GAREM1: variants seen among roughly 807,000 people sequenced by gnomAD.
The protein encoded by GAREM1 is GRB2-associated and regulator of MAPK protein 1.
A neutral mutation model predicts 71.3 loss-of-function variants in GAREM1; 26 were observed. That is an observed-to-expected ratio of 0.36 (90% CI 0.27 to 0.51). The LOEUF is 0.51. Among genes scored for constraint, GAREM1 ranks in the 20% least tolerant of loss-of-function variants. The probability of loss-of-function intolerance (pLI) is 0.95; values close to 1 mark genes in which losing one functional copy is unlikely to be tolerated. For missense variants in GAREM1, 1,026 were observed against 1,103.1 expected, an observed-to-expected ratio of 0.93 and a Z score of 0.99; for synonymous variants, 440 against 433.2, an observed-to-expected ratio of 1.02 and a Z score of -0.20.
chr18:32,412,938 T>C lies in GAREM1; in HGVS notation c.122-19903A>G, dbSNP rs200942688. 3,615 of 1,049,716 alleles carry C rather than the reference T, an allele frequency of 3.4e-3. 101 individuals are homozygous for C. The African/African-American group carries it at 0.05, about 14-fold the overall frequency. 65.0% of individuals were successfully genotyped at this position (1,049,716 alleles called of 1,614,324 possible). ...TCTCTTTGGTTCCACAACTCTTCCA[T>C]CCACCTTGTGTGGCCTTGCATTCAT... On this transcript the variant is annotated intron_variant, in intron 1 of 5. Transcript: ENST00000269209.
intron 1 of GAREM1, among the ~76,000 whole-genome samples, chr18:32,439,969 C>A (rs1043092518): frequency 1.3e-5 from 2 of 152,196 alleles, no homozygotes; most frequent in Admixed American, 6.5e-5. Flanking sequence ...GAAATTGCAT[C>A]TTGGCCTAGT....
chr18:32,277,998 C>T (rs1003276335), intron 4 of GAREM1, among the ~76,000 whole-genome samples: 4 of 152,178 alleles, frequency 2.6e-5, no homozygotes, highest in African/African-American at 9.7e-5. Context: ...AACAATATGT[C>T]TAAGACTGGG....
intron 1 of GAREM1, 62 bp from the exon 2 acceptor site, chr18:32,393,097 C>A (rs2144659764): frequency 1.3e-6 from 2 of 1,514,210 alleles, no homozygotes; most frequent in East Asian, 2.3e-5. Flanking sequence ...CCATACTTTG[C>A]AATAAAATTT....
chr18:32,343,311 G>GTTTTTTTGTTTTTTTTTT (rs2047664721), intron 2 of GAREM1, among the ~76,000 whole-genome samples: 1 of 118,886 alleles, frequency 8.4e-6, no homozygotes, highest in African/African-American at 3.4e-5. Flanking sequence ...CTCCCCCACT[G>GTTTTTTTGTTTTTTTTTT]TTTTTTTTTT....
chr18:32,290,052 T>A (rs2047065425), intron 3 of GAREM1, among the ~76,000 whole-genome samples: 1 of 151,962 alleles, frequency 6.6e-6, no homozygotes. Flanking sequence ...ATCCCTTTCA[T>A]CACTAATTTG....
At chr18:32,285,472 T>G (rs1006261072) in intron 4 of GAREM1, among the ~76,000 whole-genome samples, 1 of 152,212 alleles carries the variant, frequency 6.6e-6, no homozygotes, top group Non-Finnish European at 1.5e-5. Context: ...GAACTTCTTG[T>G]TTTCCCTCTT....
At chr18:32,430,427 C>T (rs1235587275) in intron 1 of GAREM1, among the ~76,000 whole-genome samples, 2 of 152,244 alleles carry the variant, frequency 1.3e-5, no homozygotes, top group Admixed American at 6.5e-5. Context: ...CGCAAGAGTA[C>T]GGATTCACAA....
chr18:32,432,868 G>A (rs1057355117), intron 1 of GAREM1, among the ~76,000 whole-genome samples: 1 of 151,988 alleles, frequency 6.6e-6, no homozygotes, highest in Admixed American at 6.6e-5. Flanking sequence ...AACATTTAAA[G>A]AAGAAATAAC....
Position 32,268,146 on chromosome 18 carries a change from G to A in GAREM1, c.2356C>T (p.Pro786Ser). Reference protein sequence around the residue: ...IFSASYPFSSPLHLQLAPRSC... With the variant: ...IFSASYPFSSSLHLQLAPRSC... ...CTGGGGGCCAGCTGGAGATGGAGCG[G>A]AGATGAGAAAGGGTAGGAGGCAGAG... is the stretch of plus-strand genomic sequence containing the variant. Residue 786 changes from proline (P) to serine (S), a missense_variant, in exon 6 of 6, where the codon CCG (proline) becomes TCG (serine). Pro to Ser is a moderately conservative substitution (Grantham distance 74). Around this residue, in one of 3 missense-constraint regions of GAREM1, gnomAD observed 636 missense variants for 631.2 expected, o/e 1.01. Coordinates refer to ENST00000269209, the MANE Select transcript of GAREM1 (RefSeq NM_001242409.2). The A allele has an allele frequency of 6.2e-7, 1 of 1,614,160 alleles. No homozygotes were observed. Among genetic ancestry groups the A allele is most frequent in the Non-Finnish European group, 8.5e-7 (1 of 1,180,042 alleles).
chr18:32,359,869 T>TGA (rs1393414849), intron 2 of GAREM1, among the ~76,000 whole-genome samples: 2 of 151,998 alleles, frequency 1.3e-5, no homozygotes, highest in African/African-American at 4.8e-5. Context: ...GAGGCTGCAG[T>TGA]GAGCTGTGAT....
At chr18:32,348,084 T>C (rs909131827) in intron 2 of GAREM1, among the ~76,000 whole-genome samples, 3 of 152,250 alleles carry the variant, frequency 2.0e-5, no homozygotes, top group African/African-American at 7.2e-5. Context: ...TTGAAACTTC[T>C]ATAAAAAGCC....
At chr18:32,378,012 CTGTGTGTGTGTG>C (rs1157230204) in intron 2 of GAREM1, among the ~76,000 whole-genome samples, 51 of 131,856 alleles carry the variant, frequency 3.9e-4, no homozygotes, top group Admixed American at 1.9e-3. Flanking sequence ...TACTATATAA[CTGTGTGTGTGTG>C]TGTGTGTGTG....
At chr18:32,457,058 G>A (rs2048897114) in intron 1 of GAREM1, among the ~76,000 whole-genome samples, 1 of 151,848 alleles carries the variant, frequency 6.6e-6, no homozygotes. Context: ...CTGTTAGAGT[G>A]GATTACATTT....
chr18:32,466,177 T>A (rs1298864255), intron 1 of GAREM1, among the ~76,000 whole-genome samples: 1 of 152,198 alleles, frequency 6.6e-6, no homozygotes, highest in Non-Finnish European at 1.5e-5. Flanking sequence ...TATATACTTT[T>A]TTTTTTGGTT....
At chr18:32,283,285 C>T (rs2046973398) in intron 4 of GAREM1, among the ~76,000 whole-genome samples, 1 of 152,242 alleles carries the variant, frequency 6.6e-6, no homozygotes, top group African/African-American at 2.4e-5. Flanking sequence ...AGGCTCATGC[C>T]TGTAACCCCA....
intron 2 of GAREM1, among the ~76,000 whole-genome samples, chr18:32,373,164 AC>A (rs2048000972): frequency 6.6e-6 from 1 of 152,162 alleles, no homozygotes; most frequent in South Asian, 2.1e-4. Flanking sequence ...AGAATGAAAA[AC>A]TAAATAGTCA....
chr18:32,273,082 T>C (rs1426218936), intron 4 of GAREM1, among the ~76,000 whole-genome samples: 1 of 152,242 alleles, frequency 6.6e-6, no homozygotes, highest in Non-Finnish European at 1.5e-5. Context: ...GTTCTATTTA[T>C]GTTTATAGAA....
chr18:32,461,460 C>T (rs540170037), intron 1 of GAREM1, among the ~76,000 whole-genome samples: 3 of 152,218 alleles, frequency 2.0e-5, no homozygotes, highest in African/African-American at 7.2e-5. Flanking sequence ...CTTTGGGAGG[C>T]CAAAGCAGGC....
chr18:32,417,183 C>G (rs879293163), intron 1 of GAREM1, among the ~76,000 whole-genome samples: 1 of 152,112 alleles, frequency 6.6e-6, no homozygotes. Flanking sequence ...TCATTTCACC[C>G]CAGTTAAAAT....
Sources: allele counts gnomAD v4.1 joint callset (sites outside exome capture counted in the v4.1 genomes callset), GRCh38; gene constraint gnomAD v4.1.1; regional missense constraint gnomAD v4.1.1; transcripts MANE v1.5; gene names NCBI Gene and HGNC (gene_info 2026-07-23, HGNC 2026-07-21).